The following GPR137C variants were observed in gnomAD, a reference collection of about 807,000 sequenced individuals.
GPR137C encodes G protein-coupled receptor 137C, also known as integral membrane protein GPR137C.
A neutral mutation model predicts 43.4 loss-of-function variants in GPR137C; 27 were observed. The observed-to-expected ratio is 0.62, with a 90% CI of 0.46 to 0.86. The LOEUF is 0.86. Among genes scored for constraint, GPR137C ranks in the 40% least tolerant of loss-of-function variants. GPR137C has a pLI of 0.00. For missense variants in GPR137C, 522 were observed against 534.6 expected, an observed-to-expected ratio of 0.98 and a Z score of 0.23; for synonymous variants, 285 against 226.9, an observed-to-expected ratio of 1.26 and a Z score of -2.30.
At chr14:52,626,769 C>G (rs923747632) in intron 3 of GPR137C, among the ~76,000 whole-genome samples, 2 of 152,002 alleles carry the variant, frequency 1.3e-5, no homozygotes, top group African/African-American at 4.8e-5. Context: ...TTAGCAAGTT[C>G]TCAGAATAGG....
At chr14:52,589,425 T>C (rs1594792857) in intron 1 of GPR137C, among the ~76,000 whole-genome samples, 1 of 152,132 alleles carries the variant, frequency 6.6e-6, no homozygotes, top group African/African-American at 2.4e-5. Flanking sequence ...AAATAAATCA[T>C]GTATGGGGGG....
chr14:52,562,563 G>C (rs2038301718), intron 1 of GPR137C, among the ~76,000 whole-genome samples: 1 of 152,054 alleles, frequency 6.6e-6, no homozygotes, highest in Non-Finnish European at 1.5e-5. Flanking sequence ...ATTGAGTCCA[G>C]GCCTAGGCAA....
At chr14:52,554,055 C>T (rs1016369465) in intron 1 of GPR137C, among the ~76,000 whole-genome samples, 2 of 152,174 alleles carry the variant, frequency 1.3e-5, no homozygotes, top group Admixed American at 1.3e-4. Context: ...TGTTCCTCTG[C>T]TATTGTTGCT....
chr14:52,554,388 T>A (rs1388827959), intron 1 of GPR137C, among the ~76,000 whole-genome samples: 1 of 152,216 alleles, frequency 6.6e-6, no homozygotes, highest in Non-Finnish European at 1.5e-5. Flanking sequence ...TGGAACCTAA[T>A]CACACCCCCT....
intron 1 of GPR137C, among the ~76,000 whole-genome samples, chr14:52,588,375 C>A (rs182603999): frequency 1.3e-5 from 2 of 152,110 alleles, no homozygotes; most frequent in Non-Finnish European, 2.9e-5. Flanking sequence ...GAACTCCTAA[C>A]CTCAGGTGAT....
chr14:52,589,602 A>G (rs970825519), intron 1 of GPR137C, among the ~76,000 whole-genome samples: 3 of 152,192 alleles, frequency 2.0e-5, no homozygotes, highest in African/African-American at 7.2e-5. Context: ...TTAGAGACTA[A>G]CAGTATACTA....
At chr14:52,593,419 T>G (rs753222369) in intron 1 of GPR137C, among the ~76,000 whole-genome samples, 1 of 152,230 alleles carries the variant, frequency 6.6e-6, no homozygotes, top group Non-Finnish European at 1.5e-5. Context: ...CAGCTCCTCT[T>G]TGTACCTCTG....
At chr14:52,586,790 T>C (rs559175165) in intron 1 of GPR137C, among the ~76,000 whole-genome samples, 38 of 152,320 alleles carry the variant, frequency 2.5e-4, no homozygotes, top group African/African-American at 9.1e-4. Context: ...ATTTTAAATA[T>C]AACAATACAT....
At position 52,637,332 on chromosome 14, in the gene GPR137C, T is replaced by C. The variant is rs1247021420; in HGVS notation, c.*2217T>C. ...TAAAATCAAAGGGCTACCGATTCCC[T>C]GTTCATCCTGCACTGAAGCACATGA... On this transcript the variant is annotated 3_prime_UTR_variant, in exon 7 of 7. Transcript: ENST00000321662. 1.3e-5 allele frequency: 2 copies of C among 152,168 alleles called. No individual in the cohort carries two copies. The highest frequency in any genetic ancestry group is 4.8e-5 in the African/African-American group (2 of 41,456). 9.4% of individuals were successfully genotyped at this position (152,168 alleles called of 1,614,324 possible). A position where few individuals can be genotyped will look rare whatever the true frequency, so the allele number is the denominator to read the frequency against.
At chr14:52,567,038 G>A (rs1295205146) in intron 1 of GPR137C, among the ~76,000 whole-genome samples, 5 of 152,108 alleles carry the variant, frequency 3.3e-5, no homozygotes, top group Admixed American at 6.5e-5. Flanking sequence ...ACTTGAACCC[G>A]GGAGGTGGAG....
chr14:52,575,350 A>G (rs902663539), intron 1 of GPR137C, among the ~76,000 whole-genome samples: 2 of 152,198 alleles, frequency 1.3e-5, no homozygotes, highest in Non-Finnish European at 2.9e-5. Context: ...AGCTATGATC[A>G]TGCCACTACA....
chr14:52,593,668 G>A (rs1356285304), intron 1 of GPR137C, among the ~76,000 whole-genome samples: 1 of 152,238 alleles, frequency 6.6e-6, no homozygotes, highest in African/African-American at 2.4e-5. Context: ...TGTGGGATCG[G>A]CGATGATATC....
At chr14:52,570,543 C>T (rs1178214076) in intron 1 of GPR137C, among the ~76,000 whole-genome samples, 1 of 152,162 alleles carries the variant, frequency 6.6e-6, no homozygotes, top group African/African-American at 2.4e-5. Flanking sequence ...TTAAAAGACA[C>T]AGACTGGCAA....
chr14:52,615,742 G>A (rs370827810), intron 3 of GPR137C, among the ~76,000 whole-genome samples: 6 of 152,180 alleles, frequency 3.9e-5, no homozygotes, highest in South Asian at 2.1e-4. Context: ...TGAGATTACT[G>A]GTTTGATTTC....
At position 52,553,564 on chromosome 14, in the gene GPR137C, C is replaced by T. The variant is rs1352877311; in HGVS notation, c.417C>T (p.Leu139=). The T allele has an allele frequency of 6.2e-7, 1 of 1,603,928 alleles. No homozygotes were observed. ...CFPSCLQFST[L]CLLNLYLAEV... ...CCTCCTGTCTCCAGTTCTCCACGCT[C>T]TGTCTCCTCAACCTCTACCTGGCGG... The change falls in exon 1 of 7, where the codon CTC becomes CTT. Residue 139 remains leucine (L), a synonymous_variant. Coordinates refer to ENST00000321662, the MANE Select transcript of GPR137C (RefSeq NM_001099652.2).
intron 3 of GPR137C, among the ~76,000 whole-genome samples, chr14:52,603,549 T>A (rs144590951): frequency 7.1e-4 from 108 of 152,294 alleles, no homozygotes; most frequent in African/African-American, 2.6e-3. Flanking sequence ...TTTGTTTGTT[T>A]TTGAGATGGA....
At chr14:52,603,836 G>A (rs963861228) in intron 3 of GPR137C, among the ~76,000 whole-genome samples, 7 of 152,062 alleles carry the variant, frequency 4.6e-5, no homozygotes, top group East Asian at 3.8e-4. Context: ...ACTGTGCCCA[G>A]CCTCATACTG....
rs1246798137 is a variant in GPR137C at position 52,637,106 on chromosome 14, G to A, written c.*1991G>A. 1.3e-5 allele frequency: 2 copies of A among 152,050 alleles called. No individual in the cohort carries two copies. The highest frequency in any genetic ancestry group is 6.6e-5 in the Admixed American group (1 of 15,244). The allele number at this position is 152,050 out of a possible 1,614,324, so 9.4% of individuals were successfully genotyped here. A position where few individuals can be genotyped will look rare whatever the true frequency, so the allele number is the denominator to read the frequency against. ...ATAAAATAACTTGGTTCTTTCTGCT[G>A]CATTAGTTGATTGTTCCAAATTTGA... is the stretch of plus-strand genomic sequence containing the variant. On this transcript the variant is annotated 3_prime_UTR_variant, in exon 7 of 7. Transcript: ENST00000321662.
At chr14:52,571,942 A>C (rs1443670798) in intron 1 of GPR137C, among the ~76,000 whole-genome samples, 1 of 152,238 alleles carries the variant, frequency 6.6e-6, no homozygotes, top group Non-Finnish European at 1.5e-5. Flanking sequence ...AGAAATACTG[A>C]CTGCCATCAG....
Sources: gnomAD v4.1 joint callset for allele counts (sites outside exome capture counted in the v4.1 genomes callset) on GRCh38, gnomAD v4.1.1 for gene constraint, MANE v1.5 for transcripts, NCBI Gene and HGNC (gene_info 2026-07-23, HGNC 2026-07-21) for gene names.